The following CRISPLD2 variants were observed in gnomAD, a reference collection of about 807,000 sequenced individuals.
The protein encoded by CRISPLD2 is cysteine rich secretory protein LCCL domain containing 2.
Under a neutral mutation model 71.1 loss-of-function variants are expected in CRISPLD2, and 47 were observed. The observed-to-expected ratio is 0.66, with a 90% CI of 0.52 to 0.84. The LOEUF is 0.84. Ranked by LOEUF, CRISPLD2 falls within the 40% of genes least tolerant of loss-of-function variation. The probability of loss-of-function intolerance (pLI) is 0.00; values close to 1 mark genes in which losing one functional copy is unlikely to be tolerated. For missense variants in CRISPLD2, 830 were observed against 651.1 expected, an observed-to-expected ratio of 1.27 and a Z score of -2.99; for synonymous variants, 317 against 250.1, an observed-to-expected ratio of 1.27 and a Z score of -2.52.
chr16:84,854,144 C>T (rs985382746), intron 5 of CRISPLD2, among the ~76,000 whole-genome samples: 3 of 152,240 alleles, frequency 2.0e-5, no homozygotes, highest in South Asian at 2.1e-4. Context: ...CCAGCCCCGC[C>T]ACTTGCTTGT....
rs1916685594 is a variant in CRISPLD2 at position 84,838,583 on chromosome 16, C to G, written c.88C>G (p.Leu30Val). The G allele has an allele frequency of 1.2e-6, 2 of 1,614,248 alleles. No homozygotes were observed. The highest frequency in any genetic ancestry group is 8.5e-7 in the Non-Finnish European group (1 of 1,180,038). The part of the protein sequence containing the change: ...SQGYLLPNVT[L>V]LEELLSKYQH... The stretch of plus-strand genomic sequence containing the variant: ...AGGCTACCTCCTGCCCAACGTCACT[C>G]TCTTAGAGGAGCTGCTCAGCAAATA... The change falls in exon 2 of 15, where the codon CTC becomes GTC. Residue 30 changes from leucine (L) to valine (V), a missense_variant. By Grantham distance (32) the Leu-to-Val change is conservative. Transcript: ENST00000262424.
chr16:84,849,350 G>T, intron 3 of CRISPLD2, 35 bp from the exon 4 acceptor site: 1 of 1,580,134 alleles, frequency 6.3e-7, no homozygotes, highest in South Asian at 1.1e-5. Context: ...GTGAGGGGAG[G>T]GGCTGGGACT....
At chr16:84,892,022 A>G (rs755419625) in intron 14 of CRISPLD2, among the ~76,000 whole-genome samples, 4 of 151,674 alleles carry the variant, frequency 2.6e-5, no homozygotes, top group Non-Finnish European at 4.4e-5. Flanking sequence ...TGCTCCTCAG[A>G]CTCTCTGCTC....
chr16:84,877,562 T>C (rs777351436), intron 12 of CRISPLD2, 52 bp downstream of exon 12: 1 of 1,575,210 alleles, frequency 6.3e-7, no homozygotes, highest in Middle Eastern at 1.7e-4. Context: ...TAGAAGTAGC[T>C]TTTTAGGCTG....
chr16:84,873,247 G>C, intron 10 of CRISPLD2, 125 bp downstream of exon 10: 1 of 1,113,942 alleles, frequency 9.0e-7, no homozygotes. Flanking sequence ...GGAGGCAGAG[G>C]CAGGTGGATC....
chr16:84,904,390 C>T (rs938460521), intron 14 of CRISPLD2, among the ~76,000 whole-genome samples: 2 of 152,020 alleles, frequency 1.3e-5, no homozygotes, highest in East Asian at 3.9e-4. Context: ...TCCAGAGCAG[C>T]CTGGCCAACA....
intron 8 of CRISPLD2, among the ~76,000 whole-genome samples, chr16:84,870,339 A>G (rs951263512): frequency 6.9e-6 from 1 of 144,280 alleles, no homozygotes; most frequent in African/African-American, 2.6e-5. Context: ...TTTTTCTTTG[A>G]GTTGGAGTCT....
At position 84,873,060 on chromosome 16, in the gene CRISPLD2, C is replaced by T; in HGVS notation, c.1050C>T (p.Ile350=). Reference sequence around the variant, plus strand: ...ATGACAAGGGAGGCCTGGTGGATATCACCAGGAACGGGAAGGTCCCCTTCT... The same window carrying T: ...ATGACAAGGGAGGCCTGGTGGATATTACCAGGAACGGGAAGGTCCCCTTCT... The part of the protein sequence containing the change: ...ILDDKGGLVD[I]TRNGKVPFFV... The change falls in exon 10 of 15, where the codon ATC becomes ATT. Residue 350 remains isoleucine, a synonymous_variant. Transcript: ENST00000262424. 1 of 1,613,966 alleles carries T rather than the reference C, an allele frequency of 6.2e-7. No homozygotes were observed. The highest frequency in any genetic ancestry group is 8.5e-7 in the Non-Finnish European group (1 of 1,179,936).
chr16:84,838,439 C>T lies in CRISPLD2; in HGVS notation c.-57C>T. On this transcript the variant is annotated 5_prime_UTR_variant, in exon 2 of 15. Coordinates refer to ENST00000262424, the MANE Select transcript of CRISPLD2 (RefSeq NM_031476.4). ...CCTTTCAGAGCTCAAGCGCCCAGCT[C>T]TGCCCGAGGAGCCCAGGCTGCCCCG... 1.3e-6 allele frequency: 2 copies of T among 1,581,722 alleles called. No individual in the cohort carries two copies. The highest frequency in any genetic ancestry group is 1.7e-6 in the Non-Finnish European group (2 of 1,162,676).
intron 6 of CRISPLD2, among the ~76,000 whole-genome samples, chr16:84,863,802 C>G (rs527353136): frequency 2.6e-4 from 40 of 152,022 alleles, no homozygotes; most frequent in Non-Finnish European, 5.0e-4. Flanking sequence ...AACCCAGTCA[C>G]TACTAAAAAT....
intron 1 of CRISPLD2, among the ~76,000 whole-genome samples, chr16:84,821,708 A>C (rs1916235030): frequency 6.6e-6 from 1 of 152,216 alleles, no homozygotes; most frequent in South Asian, 2.1e-4. Flanking sequence ...AGGGAGGAGA[A>C]ACCAAGAGGG....
chr16:84,889,936 T>C (rs1226919983), intron 14 of CRISPLD2, among the ~76,000 whole-genome samples: 1 of 152,212 alleles, frequency 6.6e-6, no homozygotes, highest in Non-Finnish European at 1.5e-5. Context: ...ACCAGCTTTG[T>C]GACCCCGAGT....
chr16:84,856,718 T>C (rs547737522), intron 6 of CRISPLD2, among the ~76,000 whole-genome samples: 2 of 152,338 alleles, frequency 1.3e-5, no homozygotes, highest in Admixed American at 6.5e-5. Context: ...TGTCACCTAG[T>C]TGGCATTGTA....
At chr16:84,835,520 A>C (rs1410235889) in intron 1 of CRISPLD2, among the ~76,000 whole-genome samples, 1 of 152,178 alleles carries the variant, frequency 6.6e-6, no homozygotes, top group East Asian at 1.9e-4. Context: ...TCTGGGCTGA[A>C]GTCAAACCCA....
intron 13 of CRISPLD2, 43 bp from the exon 14 acceptor site, chr16:84,889,187 C>T (rs762004539): frequency 1.2e-6 from 2 of 1,613,222 alleles, no homozygotes; most frequent in Non-Finnish European, 1.7e-6. Flanking sequence ...GACCCATGAG[C>T]TGGAATCCGC....
At chr16:84,841,602 C>CT (rs376161926) in intron 2 of CRISPLD2, among the ~76,000 whole-genome samples, 45 of 146,790 alleles carry the variant, frequency 3.1e-4, no homozygotes, top group South Asian at 1.5e-3. Context: ...CTGTGAAGCA[C>CT]TTTTTTTTTT....
chr16:84,889,167 C>T (rs1201131643), intron 13 of CRISPLD2, 63 bp from the exon 14 acceptor site: 19 of 1,610,870 alleles, frequency 1.2e-5, no homozygotes, highest in Non-Finnish European at 1.5e-5. Flanking sequence ...GATGGAGCCC[C>T]AGCTGGCTTG....
At chr16:84,894,434 A>G (rs1218012538) in intron 14 of CRISPLD2, among the ~76,000 whole-genome samples, 1 of 152,224 alleles carries the variant, frequency 6.6e-6, no homozygotes, top group African/African-American at 2.4e-5. Flanking sequence ...AAAGGTATAT[A>G]TGGGTGCACA....
chr16:84,823,848 A>AT (rs1916286279), intron 1 of CRISPLD2, among the ~76,000 whole-genome samples: 1 of 152,134 alleles, frequency 6.6e-6, no homozygotes. Flanking sequence ...GAAATCCCAC[A>AT]TTTTCAATCC....
Sources: allele counts gnomAD v4.1 joint callset (sites outside exome capture counted in the v4.1 genomes callset), GRCh38; gene constraint gnomAD v4.1.1; transcripts MANE v1.5; gene names NCBI Gene and HGNC (gene_info 2026-07-23, HGNC 2026-07-21).